UNC5D: variants seen among roughly 807,000 people sequenced by gnomAD.
The protein encoded by UNC5D is unc-5 netrin receptor D, also known as netrin receptor UNC5D.
Under a neutral mutation model 105.4 loss-of-function variants are expected in UNC5D, and 39 were observed. The ratio of observed to expected loss-of-function variants is 0.37; its 90% CI spans 0.29 to 0.48. The LOEUF (loss-of-function observed/expected upper bound fraction) is 0.48, where lower values mean the gene tolerates loss of function less well. UNC5D is among the 20% of genes least tolerant of loss of function. The pLI, the probability that UNC5D is intolerant of heterozygous loss-of-function variation, is 0.98. For synonymous variants in UNC5D, 452 were observed against 450.4 expected (o/e 1.00, Z -0.04); for missense variants, 991 against 1,202.4 (o/e 0.82, Z 2.60).
At chr8:35,507,117 G>A (rs867142683) in intron 1 of UNC5D, among the ~76,000 whole-genome samples, 4 of 143,030 alleles carry the variant, frequency 2.8e-5, no homozygotes, top group Admixed American at 1.4e-4. Flanking sequence ...GTGCAGTGGC[G>A]GGATCTCGGC....
At chr8:35,254,705 C>T (rs1227085568) in intron 1 of UNC5D, 1 of 152,152 alleles carries the variant, frequency 6.6e-6, no homozygotes. Context: ...TTAATTTCTT[C>T]CTTTTGAATG....
At chr8:35,374,206 T>C (rs1802569144) in intron 1 of UNC5D, among the ~76,000 whole-genome samples, 1 of 152,214 alleles carries the variant, frequency 6.6e-6, no homozygotes, top group South Asian at 2.1e-4. Context: ...TAGTGCAAGA[T>C]GTAATTCACT....
chr8:35,633,598 T>G (rs1822181066), intron 4 of UNC5D, among the ~76,000 whole-genome samples: 1 of 152,128 alleles, frequency 6.6e-6, no homozygotes, highest in Non-Finnish European at 1.5e-5. Context: ...AAAAAAATTT[T>G]TTTTAAATTA....
intron 4 of UNC5D, among the ~76,000 whole-genome samples, chr8:35,609,425 A>G (rs1262206114): frequency 6.6e-6 from 1 of 152,210 alleles, no homozygotes; most frequent in Non-Finnish European, 1.5e-5. Flanking sequence ...TGCTATCAGC[A>G]TCTATGTTTT....
intron 2 of UNC5D, among the ~76,000 whole-genome samples, chr8:35,560,878 G>A (rs1368700660): frequency 6.6e-6 from 1 of 152,178 alleles, no homozygotes; most frequent in Non-Finnish European, 1.5e-5. Flanking sequence ...TTGAAATCTT[G>A]ACTTCAGCAT....
At chr8:35,298,867 T>G (rs1052203495) in intron 1 of UNC5D, among the ~76,000 whole-genome samples, 2 of 152,244 alleles carry the variant, frequency 1.3e-5, no homozygotes, top group Non-Finnish European at 2.9e-5. Context: ...ACAAAGTGAT[T>G]AGGTTAGAAG....
chr8:35,480,424 G>T (rs1810407348), intron 1 of UNC5D, among the ~76,000 whole-genome samples: 1 of 152,178 alleles, frequency 6.6e-6, no homozygotes, highest in Non-Finnish European at 1.5e-5. Flanking sequence ...ACTGGATTTT[G>T]AGGATTGTCT....
intron 7 of UNC5D, among the ~76,000 whole-genome samples, chr8:35,704,960 CTTTTTTTTTTTT>C (rs1001514087): frequency 8.7e-6 from 1 of 115,586 alleles, no homozygotes; most frequent in East Asian, 2.6e-4. Flanking sequence ...TGCTGAATGC[CTTTTTTTTTTTT>C]TTTTTTTTTT....
At chr8:35,372,143 A>T (rs183270273) in intron 1 of UNC5D, among the ~76,000 whole-genome samples, 169 of 152,024 alleles carry the variant, frequency 1.1e-3, no homozygotes, top group African/African-American at 3.9e-3. Flanking sequence ...ATTTTTTTTG[A>T]GACGGAGTCT....
intron 1 of UNC5D, among the ~76,000 whole-genome samples, chr8:35,287,680 T>C (rs1806709210): frequency 6.6e-6 from 1 of 151,468 alleles, no homozygotes; most frequent in East Asian, 1.9e-4. Context: ...TGATGATGTG[T>C]GCCTGTAGTC....
intron 4 of UNC5D, among the ~76,000 whole-genome samples, chr8:35,624,373 C>T (rs138386528): frequency 2.6e-5 from 4 of 152,302 alleles, no homozygotes; most frequent in Admixed American, 6.5e-5. Context: ...CAGTGTTGCA[C>T]AGGTGAAGAT....
intron 1 of UNC5D, among the ~76,000 whole-genome samples, chr8:35,546,967 TGA>T (rs747932444): frequency 1.9e-4 from 29 of 152,234 alleles, no homozygotes; most frequent in Non-Finnish European, 3.8e-4. Context: ...TACTTGAATG[TGA>T]GTTAGCTTTT....
rs898917918 is a variant in UNC5D, at chr8:35,726,416, C to A, written c.1568C>A (p.Pro523His). The change falls in exon 10 of 17, where the codon CCC becomes CAC. Residue 523 changes from proline to histidine, a missense_variant. Pro to His is a moderately conservative substitution (Grantham distance 77). Around this residue, in one of 3 missense-constraint regions of UNC5D, gnomAD observed 944 missense variants for 1,131.6 expected, o/e 0.83. Coordinates refer to ENST00000404895, the MANE Select transcript of UNC5D (RefSeq NM_080872.4). ...GNNHSFSTMH[P>H]RNKMPYIQNL... ...AACCACAGCTTTAGTACAATGCATC[C>A]CAGAAATAAAATGCCCTACATCCAA... 3 of 1,613,978 alleles carry A rather than the reference C, an allele frequency of 1.9e-6. No homozygotes were observed. Among genetic ancestry groups the A allele is most frequent in the Non-Finnish European group, 2.5e-6 (3 of 1,180,032 alleles).
intron 3 of UNC5D, among the ~76,000 whole-genome samples, chr8:35,574,934 A>C (rs780213064): frequency 6.6e-6 from 1 of 151,944 alleles, no homozygotes; most frequent in African/African-American, 2.4e-5. Context: ...CTCTCCCTAA[A>C]TCCAAGGGCC....
chr8:35,539,060 C>T (rs886824483), intron 1 of UNC5D, among the ~76,000 whole-genome samples: 1 of 152,052 alleles, frequency 6.6e-6, no homozygotes, highest in Non-Finnish European at 1.5e-5. Flanking sequence ...AATAGATCAA[C>T]ACTGACACAC....
intron 7 of UNC5D, among the ~76,000 whole-genome samples, chr8:35,688,733 C>A (rs2131363572): frequency 6.6e-6 from 1 of 152,332 alleles, no homozygotes; most frequent in Non-Finnish European, 1.5e-5. Flanking sequence ...TGAATACCAC[C>A]AGATTTTTCT....
chr8:35,328,322 C>T (rs1387476589), intron 1 of UNC5D, among the ~76,000 whole-genome samples: 1 of 152,132 alleles, frequency 6.6e-6, no homozygotes, highest in African/African-American at 2.4e-5. Flanking sequence ...TTTTCAATCA[C>T]AGACTGTAAA....
intron 1 of UNC5D, among the ~76,000 whole-genome samples, chr8:35,317,272 G>A (rs1303326656): frequency 6.6e-6 from 1 of 152,078 alleles, no homozygotes; most frequent in Non-Finnish European, 1.5e-5. Flanking sequence ...ACCTGTTCCT[G>A]CTAAAATAAA....
intron 1 of UNC5D, among the ~76,000 whole-genome samples, chr8:35,285,811 T>C (rs1280739649): frequency 6.6e-6 from 1 of 152,152 alleles, no homozygotes; most frequent in African/African-American, 2.4e-5. Context: ...AATCTGACAA[T>C]GAGGCTATCA....
Sources: allele counts gnomAD v4.1 joint callset (sites outside exome capture counted in the v4.1 genomes callset), GRCh38; gene constraint gnomAD v4.1.1; regional missense constraint gnomAD v4.1.1; transcripts MANE v1.5; gene names NCBI Gene and HGNC (gene_info 2026-07-23, HGNC 2026-07-21).